CARS1: variants seen among roughly 807,000 people sequenced by gnomAD.
CARS1 encodes the protein cysteinyl-tRNA synthetase 1.
CARS1 carries 48 observed loss-of-function variants against 106.2 expected under a neutral mutation model. That is an observed-to-expected ratio of 0.45 (90% CI 0.36 to 0.57). The LOEUF is 0.57. CARS1 is among the 20% of genes least tolerant of loss of function. The pLI is 0.00. For missense variants in CARS1, 968 were observed against 1,057.2 expected, an observed-to-expected ratio of 0.92 and a Z score of 1.17; for synonymous variants, 409 against 403.4, an observed-to-expected ratio of 1.01 and a Z score of -0.17.
chr11:3,012,368 G>A, intron 17 of CARS1, 92 bp from the exon 18 acceptor site: 1 of 1,083,226 alleles, frequency 9.2e-7, no homozygotes, highest in Non-Finnish European at 1.4e-6. Context: ...CACAGGGCAG[G>A]GACTGGCATG....
rs746707512 is a variant in CARS1, at chr11:3,039,619, A to G, written c.552+216T>C. The stretch of plus-strand genomic sequence containing the variant: ...AAACACCCAGGGCTACCGACCCCTG[A>G]GCAACATGCAGGTTTCTAACCGTGT... On this transcript the variant is annotated intron_variant, in intron 5 of 22. Transcript: ENST00000380525. This position sits in a 1 kb window ranked among gnomAD's most constrained non-coding sequence, Gnocchi z 5.6. 1.2e-4 allele frequency among the ~76,000 whole-genome samples: 18 copies of G among 152,228 alleles called. No individual in the cohort carries two copies. Among genetic ancestry groups the G allele is most frequent in the Non-Finnish European group, 2.5e-4 (17 of 68,046 alleles).
rs1015103193 is a variant in CARS1 at position 3,038,429 on chromosome 11, C to G, written c.652-230G>C. On this transcript the variant is annotated intron_variant, in intron 6 of 22. Coordinates refer to ENST00000380525, the MANE Select transcript of CARS1 (RefSeq NM_001014437.3). This position sits in a 1 kb window ranked among gnomAD's most constrained non-coding sequence, Gnocchi z 4.0. ...TGTGACCCTGGACAGGGCACCTAAC[C>G]TCTCTGTGCCTCAGTTTCTCCAATG... Among the ~76,000 whole-genome samples, 4 of 152,158 alleles carry G rather than the reference C, an allele frequency of 2.6e-5. No homozygotes were observed. The highest frequency in any genetic ancestry group is 4.4e-5 in the Non-Finnish European group (3 of 68,032).
Position 3,047,786 on chromosome 11 carries a change from A to G in CARS1, c.241T>C (p.Cys81Arg). ...RHIEALLGSP[C>R]GKGQPCRLQA... ...AGCCTGCAGGGCTGGCCTTTGCCAC[A>G]GGGGCTACCCAGGAGCGCTTCTATG... Residue 81 changes from cysteine to arginine, a missense_variant, in exon 2 of 23, where the codon TGT becomes CGT. Cys to Arg is a radical substitution (Grantham distance 180). Transcript: ENST00000380525. 6.2e-7 allele frequency: 1 copy of G among 1,613,578 alleles called. No individual in the cohort carries two copies. Among genetic ancestry groups the G allele is most frequent in the African/African-American group, 1.3e-5 (1 of 75,038 alleles).
intron 10 of CARS1, among the ~76,000 whole-genome samples, chr11:3,023,009 C>G (rs762573557): frequency 6.6e-5 from 10 of 152,176 alleles, no homozygotes; most frequent in Non-Finnish European, 1.3e-4. Context: ...CCATGTCCCT[C>G]TTTGGTCCTG....
At position 3,047,825 on chromosome 11, in the gene CARS1, G is replaced by C; in HGVS notation, c.202C>G (p.Arg68Gly). The C allele has an allele frequency of 1.9e-6, 3 of 1,614,130 alleles. No homozygotes were observed. Among genetic ancestry groups the C allele is most frequent in the Non-Finnish European group, 2.5e-6 (3 of 1,180,042 alleles). The stretch of plus-strand genomic sequence containing the variant: ...AGCGCTTCTATGTGCCTGAACCACC[G>C]AGCCACGTGGAAGAGCTGGGGGTCA... ...PADPQLFHVARWFRHIEALLG... is the reference protein window; with the variant it reads ...PADPQLFHVAGWFRHIEALLG... Residue 68 changes from arginine to glycine, a missense_variant, in exon 2 of 23, where the codon CGG (arginine) becomes GGG (glycine). By Grantham distance (125) the Arg-to-Gly change is moderately radical. Transcript: ENST00000380525.
rs1253959606 is a variant in CARS1 at position 3,019,666 on chromosome 11, G to A, written c.1267-399C>T. ...AGAGGTTGCAGTGAGCTGAGATCGCGCCACTGCACTCCAGCCTGGTGACAG... is the reference window on the plus strand; with the variant it reads ...AGAGGTTGCAGTGAGCTGAGATCGCACCACTGCACTCCAGCCTGGTGACAG... On this transcript the variant is annotated intron_variant, in intron 11 of 22. Transcript: ENST00000380525. The surrounding 1 kb of genome is among the most constrained non-coding windows in gnomAD (Gnocchi z 6.2). Among the ~76,000 whole-genome samples, 2 of 150,818 alleles carry A rather than the reference G, an allele frequency of 1.3e-5. No individual in the cohort carries two copies. The highest frequency in any genetic ancestry group is 1.5e-5 in the Non-Finnish European group (1 of 67,836).
intron 2 of CARS1, 44 bp from the exon 3 acceptor site, chr11:3,042,300 A>G: frequency 6.9e-7 from 1 of 1,453,860 alleles, no homozygotes; most frequent in Non-Finnish European, 9.5e-7. Flanking sequence ...GGGCAGCACC[A>G]GGAAGTGCAA....
At chr11:3,055,553 A>T (rs1311525174) in intron 1 of CARS1, among the ~76,000 whole-genome samples, 1 of 152,238 alleles carries the variant, frequency 6.6e-6, no homozygotes, top group Non-Finnish European at 1.5e-5. Context: ...CTGGCTGGAG[A>T]TGCTGTGCGC....
At chr11:3,056,221 G>A (rs780089119) in intron 1 of CARS1, among the ~76,000 whole-genome samples, 2 of 152,238 alleles carry the variant, frequency 1.3e-5, no homozygotes, top group Non-Finnish European at 2.9e-5. Context: ...ACCACCAGAT[G>A]CTAAGGAAAT....
intron 18 of CARS1, chr11:3,007,267 T>G: frequency 2.4e-6 from 1 of 423,870 alleles, no homozygotes; most frequent in East Asian, 4.3e-5. Flanking sequence ...AAGCAGTTCT[T>G]CCAGGAAAGG....
rs975916859 is a variant in CARS1, at chr11:3,003,293, T to C, written c.2218-693A>G. Among the ~76,000 whole-genome samples the C allele has an allele frequency of 1.3e-5, 2 of 152,178 alleles. No individual in the cohort carries two copies. Among genetic ancestry groups the C allele is most frequent in the Non-Finnish European group, 2.9e-5 (2 of 68,030 alleles). On this transcript the variant is annotated intron_variant, in intron 20 of 22. Transcript: ENST00000380525. The surrounding 1 kb of genome is among the most constrained non-coding windows in gnomAD (Gnocchi z 4.8). ...GTTTGGGGAGTTGAAAATCACATTT[T>C]CACCTTTCCTTTGGACAGCCTAGGT...
Position 3,040,078 on chromosome 11 carries a change from A to T in CARS1, c.456-147T>A. 1 of 554,018 alleles carries T rather than the reference A, an allele frequency of 1.8e-6. No homozygotes were observed. Among genetic ancestry groups the T allele is most frequent in the South Asian group, 2.5e-5 (1 of 40,698 alleles). The allele number at this position is 554,018 out of a possible 1,614,324, so 34.3% of individuals were successfully genotyped here. ...AGCAAGACCCCCCCTTCTCCTCCTC[A>T]GTCTACTCAACGTGAAGATGGCAAG... On this transcript the variant is annotated intron_variant, in intron 4 of 22. Coordinates refer to ENST00000380525, the MANE Select transcript of CARS1 (RefSeq NM_001014437.3). The surrounding 1 kb of genome is among the most constrained non-coding windows in gnomAD (Gnocchi z 5.8).
At chr11:3,006,596 C>T (rs1459687457) in intron 19 of CARS1, among the ~76,000 whole-genome samples, 20 of 152,254 alleles carry the variant, frequency 1.3e-4, no homozygotes, top group Admixed American at 9.8e-4. Context: ...GCTTCAAAGG[C>T]GGTAGCAACA....
rs754222660 is a variant in CARS1, at chr11:3,029,439, A to C, written c.806T>G (p.Leu269Trp). The C allele has an allele frequency of 1.4e-5, 22 of 1,613,742 alleles. No individual in the cohort carries two copies. Among genetic ancestry groups the C allele is most frequent in the Non-Finnish European group, 8.5e-7 (1 of 1,180,024 alleles). The change falls in exon 8 of 23, where the codon TTG (leucine) becomes TGG (tryptophan). Residue 269 changes from leucine (L) to tryptophan (W), a missense_variant. Physicochemically the swap from Leu to Trp is moderately conservative, Grantham distance 61. Coordinates refer to ENST00000380525, the MANE Select transcript of CARS1 (RefSeq NM_001014437.3). This position sits in a 1 kb window ranked among gnomAD's most constrained non-coding sequence, Gnocchi z 5.9. The part of the protein sequence containing the change: ...GEEVNSCVEV[L>W]LEEAKDLLSD... ...GAGCAAATCCTTGGCTTCTTCCAGC[A>C]ACACCTGAAGAGAAAGAAACAAAAA...
chr11:3,013,501 A>G (rs1167888087), intron 17 of CARS1, among the ~76,000 whole-genome samples: 1 of 152,160 alleles, frequency 6.6e-6, no homozygotes, highest in Non-Finnish European at 1.5e-5. Context: ...GCTTTTGAGC[A>G]AGGTTGCTCC....
rs1008776621 is a variant in CARS1 at position 3,020,618 on chromosome 11, T to C, written c.1154-286A>G. On this transcript the variant is annotated intron_variant, in intron 10 of 22. Coordinates refer to ENST00000380525, the MANE Select transcript of CARS1 (RefSeq NM_001014437.3). The surrounding 1 kb of genome is among the most constrained non-coding windows in gnomAD (Gnocchi z 4.6). The stretch of plus-strand genomic sequence containing the variant: ...CTCCGTAAGACATTCACCTTCCTGC[T>C]GCCTTCTCACAGCATTAGCCCACCA... Among the ~76,000 whole-genome samples, 1 of 152,238 alleles carries C rather than the reference T, an allele frequency of 6.6e-6. No individual in the cohort carries two copies. The highest frequency in any genetic ancestry group is 1.5e-5 in the Non-Finnish European group (1 of 68,042).
rs182863313 is a variant in CARS1, at chr11:3,022,101, C to T, written c.1154-1769G>A. ...CAGGCTATAGGCAGAATGATGAGGC[C>T]GGTCACTGGCCAGGTGCAGTGCACG... On this transcript the variant is annotated intron_variant, in intron 10 of 22. Transcript: ENST00000380525. This position sits in a 1 kb window ranked among gnomAD's most constrained non-coding sequence, Gnocchi z 4.9. Among the ~76,000 whole-genome samples the T allele has an allele frequency of 1.3e-5, 2 of 152,280 alleles. No homozygotes were observed. The highest frequency in any genetic ancestry group is 6.5e-5 in the Admixed American group (1 of 15,290).
rs1849638673 is a variant in CARS1 at position 3,004,110 on chromosome 11, C to T, written c.2217+1256G>A. Among the ~76,000 whole-genome samples, 1 of 152,188 alleles carries T rather than the reference C, an allele frequency of 6.6e-6. No individual in the cohort carries two copies. The highest frequency in any genetic ancestry group is 2.4e-5 in the African/African-American group (1 of 41,436). On this transcript the variant is annotated intron_variant, in intron 20 of 22. Coordinates refer to ENST00000380525, the MANE Select transcript of CARS1 (RefSeq NM_001014437.3). The surrounding 1 kb of genome is among the most constrained non-coding windows in gnomAD (Gnocchi z 5.2). Reference sequence around the variant, plus strand: ...ACAGCACAGCACGGCAGGCGAGACCCAAGGCTAGGTGAGTGACTGTGATGG... The same window carrying T: ...ACAGCACAGCACGGCAGGCGAGACCTAAGGCTAGGTGAGTGACTGTGATGG...
At chr11:3,024,725 G>C (rs1249410501) in intron 10 of CARS1, among the ~76,000 whole-genome samples, 1 of 152,216 alleles carries the variant, frequency 6.6e-6, no homozygotes, top group African/African-American at 2.4e-5. Context: ...TGGGATTACA[G>C]GTGTGGGTCG....
Sources: allele counts gnomAD v4.1 joint callset (sites outside exome capture counted in the v4.1 genomes callset), GRCh38; gene constraint gnomAD v4.1.1; non-coding constraint Gnocchi (gnomAD v3.1); transcripts MANE v1.5; gene names NCBI Gene and HGNC (gene_info 2026-07-23, HGNC 2026-07-21).